TCOF1: variants seen among roughly 807,000 people sequenced by gnomAD.
The protein encoded by TCOF1 is treacle ribosome biogenesis factor 1, also known as treacle protein.
In TCOF1, 33 loss-of-function variants were observed where a neutral mutation model predicts 149.0. That is an observed-to-expected ratio of 0.22 (90% CI 0.17 to 0.30). The LOEUF is 0.30. Among genes scored for constraint, TCOF1 ranks in the 10% least tolerant of loss-of-function variants. TCOF1 has a pLI of 1.00. For missense variants in TCOF1, 1,728 were observed against 1,840.7 expected (o/e 0.94, Z 1.12); for synonymous variants, 789 against 738.8 (o/e 1.07, Z -1.10).
In TCOF1 at chr5:150,367,899, C is replaced by T; in HGVS notation, c.360C>T (p.Ser120=). ...TCCTGGGGGCGGACTTGCCATCAAG[C>T]ATGAAAGAAAAAGCCAAGGTGAGTG... is the stretch of plus-strand genomic sequence containing the variant. The part of the protein sequence containing the change: ...SSVLGADLPS[S]MKEKAKAETE... Residue 120 remains serine (S), a synonymous_variant, in exon 4 of 27, where the codon AGC becomes AGT. Coordinates refer to ENST00000643257, the MANE Select transcript of TCOF1 (RefSeq NM_001371623.1). The T allele has an allele frequency of 1.2e-6, 2 of 1,614,156 alleles. No homozygotes were observed. Among genetic ancestry groups the T allele is most frequent in the Non-Finnish European group, 1.7e-6 (2 of 1,180,008 alleles).
chr5:150,395,605 A>G (rs1768314929), intron 23 of TCOF1, among the ~76,000 whole-genome samples: 1 of 151,664 alleles, frequency 6.6e-6, no homozygotes, highest in African/African-American at 2.4e-5. Flanking sequence ...GGAAAATTCT[A>G]AACAAAGGCT....
At chr5:150,365,716 C>CT (rs1423011846) in intron 3 of TCOF1, among the ~76,000 whole-genome samples, 2 of 151,822 alleles carry the variant, frequency 1.3e-5, no homozygotes, top group Non-Finnish European at 2.9e-5. Context: ...TTGTTTGGGG[C>CT]TTTTTTTGAT....
intron 7 of TCOF1, among the ~76,000 whole-genome samples, 181 bp from the exon 8 acceptor site, chr5:150,373,993 G>A (rs1486003824): frequency 1.3e-5 from 2 of 152,152 alleles, no homozygotes. Flanking sequence ...AGTGTGTGAA[G>A]CTGATCGATT....
At position 150,368,784 on chromosome 5, in the gene TCOF1, C is replaced by G; in HGVS notation, c.447C>G (p.Ala149=). ...MPHPATGKTV[A]NLLSGKSPRK... is the part of the protein sequence containing the mutation. ...ACCCTGCCACTGGGAAGACGGTGGC[C>G]AACCTTCTTTCTGGGAAGTCTCCCA... The change falls in exon 5 of 27, where the codon GCC becomes GCG. Residue 149 remains alanine, a synonymous_variant. Coordinates refer to ENST00000643257, the MANE Select transcript of TCOF1 (RefSeq NM_001371623.1). 1 of 1,614,098 alleles carries G rather than the reference C, an allele frequency of 6.2e-7. No individual in the cohort carries two copies. Among genetic ancestry groups the G allele is most frequent in the South Asian group, 1.1e-5 (1 of 91,084 alleles).
Position 150,399,062 on chromosome 5 carries a change from C to G in TCOF1, c.*14C>G. 1.9e-6 allele frequency: 3 copies of G among 1,614,140 alleles called. No individual in the cohort carries two copies. The highest frequency in any genetic ancestry group is 1.7e-5 in the Admixed American group (1 of 60,014). ...CAGACTGTATGACGAGCACCAGCAC[C>G]AGGCACAGGTACGCTTCCCAATCAT... On this transcript the variant is annotated 3_prime_UTR_variant, in exon 26 of 27. Transcript: ENST00000643257.
In TCOF1 at chr5:150,392,733, C is replaced by G. The variant is rs192773733; in HGVS notation, c.3546C>G (p.Thr1182=). Residue 1182 remains threonine, a synonymous_variant, in exon 22 of 27, where the codon ACC becomes ACG. Coordinates refer to ENST00000643257, the MANE Select transcript of TCOF1 (RefSeq NM_001371623.1). ...GTCCCACCCCCTCCAGGACAGAGAC[C>G]CTGGTGGAGGAGACCGCAGCAGAGT... ...LVGPTPSRTE[T]LVEETAAESS... 6.2e-7 allele frequency: 1 copy of G among 1,614,100 alleles called. No homozygotes were observed. Among genetic ancestry groups the G allele is most frequent in the Non-Finnish European group, 8.5e-7 (1 of 1,180,006 alleles).
chr5:150,378,645 A>G, intron 14 of TCOF1: 2 of 521,880 alleles, frequency 3.8e-6, no homozygotes, highest in Admixed American at 3.3e-5. Context: ...AGTGTTTATT[A>G]TGTTCCAGAC....
chr5:150,386,056 C>T (rs182297991), intron 17 of TCOF1, among the ~76,000 whole-genome samples: 4 of 151,782 alleles, frequency 2.6e-5, no homozygotes, highest in South Asian at 2.1e-4. Context: ...ATGAGAGAGG[C>T]GTAATGAGAA....
intron 5 of TCOF1, 41 bp from the exon 6 acceptor site, chr5:150,369,488 G>C: frequency 6.2e-7 from 1 of 1,612,292 alleles, no homozygotes; most frequent in Non-Finnish European, 8.5e-7. Flanking sequence ...AGGTGAGGCT[G>C]GAAAGGGAGT....
At chr5:150,387,135 A>G (rs1766455812) in intron 17 of TCOF1, among the ~76,000 whole-genome samples, 1 of 152,218 alleles carries the variant, frequency 6.6e-6, no homozygotes, top group Admixed American at 6.5e-5. Context: ...GCTCTCAGTT[A>G]TAAGGACCTT....
intron 24 of TCOF1, 35 bp downstream of exon 24, chr5:150,396,877 C>A: frequency 6.4e-7 from 1 of 1,565,494 alleles, no homozygotes; most frequent in South Asian, 1.2e-5. Flanking sequence ...ACCCCAAGGG[C>A]TGCTGGGCAC....
rs192088238 is a variant in TCOF1 at position 150,367,149 on chromosome 5, C to T, written c.305-695C>T. 3.4e-3 allele frequency among the ~76,000 whole-genome samples: 520 copies of T among 151,916 alleles called. 5 individuals are homozygous for T. The highest frequency in any genetic ancestry group is 0.012 in the African/African-American group (483 of 41,466). On this transcript the variant is annotated intron_variant, in intron 3 of 26. Coordinates refer to ENST00000643257, the MANE Select transcript of TCOF1 (RefSeq NM_001371623.1). The stretch of plus-strand genomic sequence containing the variant: ...TGAAACCCCGTCTCTATTAAAAATA[C>T]AAAAAATTAGCCAGGCATGGTGGTG...
chr5:150,382,893 G>T (rs1264084060), intron 17 of TCOF1, among the ~76,000 whole-genome samples: 1 of 152,254 alleles, frequency 6.6e-6, no homozygotes, highest in East Asian at 1.9e-4. Flanking sequence ...TGTTTCCAGT[G>T]GCTGTGGGGC....
chr5:150,359,286 G>A (rs1323491928), intron 1 of TCOF1, among the ~76,000 whole-genome samples: 1 of 150,460 alleles, frequency 6.6e-6, no homozygotes, highest in Admixed American at 6.6e-5. Flanking sequence ...GGCAGAGGTT[G>A]CACTGAGCTG....
intron 1 of TCOF1, 79 bp from the exon 2 acceptor site, chr5:150,361,077 A>C: frequency 6.3e-7 from 1 of 1,586,102 alleles, no homozygotes; most frequent in Non-Finnish European, 8.7e-7. Context: ...ACAAGTCATG[A>C]GTTTGGGGAG....
chr5:150,361,044 C>A, intron 1 of TCOF1, 112 bp from the exon 2 acceptor site: 1 of 1,414,868 alleles, frequency 7.1e-7, no homozygotes, highest in Non-Finnish European at 1.0e-6. Context: ...CCAAAAAGAC[C>A]CTCTTCTGAA....
intron 3 of TCOF1, chr5:150,367,523 C>T (rs1761624808): frequency 2.6e-6 from 1 of 385,930 alleles, no homozygotes. Flanking sequence ...TTGCAGTGTG[C>T]AGTGCCCAGT....
chr5:150,366,179 C>T (rs1409521211), intron 3 of TCOF1, among the ~76,000 whole-genome samples: 1 of 149,642 alleles, frequency 6.7e-6, no homozygotes, highest in African/African-American at 2.5e-5. Flanking sequence ...AGTGAGACTC[C>T]GTCTCTGCAA....
chr5:150,379,241 G>A lies in TCOF1; in HGVS notation c.2491G>A (p.Val831Met). 6.2e-7 allele frequency: 1 copy of A among 1,614,248 alleles called. No individual in the cohort carries two copies. Among genetic ancestry groups the A allele is most frequent in the Non-Finnish European group, 8.5e-7 (1 of 1,180,038 alleles). Residue 831 changes from valine to methionine, a missense_variant, in exon 16 of 27, where the codon GTG becomes ATG. By Grantham distance (21) the Val-to-Met change is conservative (BLOSUM62 1). Around this residue, in one of 2 missense-constraint regions of TCOF1, gnomAD observed 1,696 missense variants for 1,765.4 expected, o/e 0.96. Coordinates refer to ENST00000643257, the MANE Select transcript of TCOF1 (RefSeq NM_001371623.1). ...QRSPSKVKPPVRNPQNSTVLA... is the reference protein window; with the variant it reads ...QRSPSKVKPPMRNPQNSTVLA... ...CCCTGCAATTCAGGTGAAGCCACCA[G>A]TGAGAAACCCCCAGAACAGTACCGT...
Sources: allele counts gnomAD v4.1 joint callset (sites outside exome capture counted in the v4.1 genomes callset), GRCh38; gene constraint gnomAD v4.1.1; regional missense constraint gnomAD v4.1.1; transcripts MANE v1.5; gene names NCBI Gene and HGNC (gene_info 2026-07-23, HGNC 2026-07-21).